AFF2: variants seen among roughly 807,000 people sequenced by gnomAD.
AFF2 encodes the protein ALF transcription elongation factor 2, also known as AF4/FMR2 family member 2.
A neutral mutation model predicts 76.9 loss-of-function variants in AFF2; 14 were observed. The observed-to-expected ratio is 0.18, with a 90% CI of 0.12 to 0.28. AFF2 has a LOEUF of 0.28. Among genes scored for constraint, AFF2 ranks in the 10% least tolerant of loss-of-function variants. The probability of loss-of-function intolerance (pLI) is 1.00; values close to 1 mark genes in which losing one functional copy is unlikely to be tolerated. For synonymous variants in AFF2, 398 were observed against 366.7 expected (o/e 1.09, Z -0.98); for missense variants, 868 against 1,001.1 (o/e 0.87, Z 1.79).
chrX:148,677,533 A>G (rs1160247837), intron 3 of AFF2, among the ~76,000 whole-genome samples: 1 of 112,604 alleles, frequency 8.9e-6, no homozygotes, highest in Non-Finnish European at 1.9e-5. Context: ...CTTAGAAATC[A>G]TAGAAGTGAT....
intron 4 of AFF2, among the ~76,000 whole-genome samples, chrX:148,814,044 G>A (rs1461037464): frequency 2.7e-5 from 3 of 112,151 alleles, no homozygotes; most frequent in Non-Finnish European, 3.8e-5. Flanking sequence ...ACTTGCTTCC[G>A]TCAGCATGCT....
At chrX:148,844,731 T>C (rs1330197530) in intron 7 of AFF2, among the ~76,000 whole-genome samples, 1 of 111,257 alleles carries the variant, frequency 9.0e-6, no homozygotes, top group African/African-American at 3.3e-5. Context: ...AGAAAGTAAG[T>C]GGCATTTCTA....
chrX:148,871,799 A>T (rs1034716191), intron 7 of AFF2, among the ~76,000 whole-genome samples: 6 of 111,529 alleles, frequency 5.4e-5, no homozygotes, highest in Admixed American at 2.8e-4. Context: ...TCTCTTTAAT[A>T]TAATGCTTTG....
intron 4 of AFF2, among the ~76,000 whole-genome samples, chrX:148,816,611 A>T (rs1357524064): frequency 9.0e-6 from 1 of 111,415 alleles, no homozygotes; most frequent in Non-Finnish European, 1.9e-5. Context: ...GGGAGCTTCC[A>T]TGGACCAAGT....
intron 1 of AFF2, among the ~76,000 whole-genome samples, chrX:148,625,627 C>T (rs1195901911): frequency 9.0e-6 from 1 of 111,350 alleles, no homozygotes; most frequent in Non-Finnish European, 1.9e-5. Flanking sequence ...ACCTTTCTTT[C>T]ATTTCTCTAG....
Position 148,955,801 on chromosome X carries a change from A to G in AFF2, c.1756A>G (p.Arg586Gly). ...TCAGGTCCCAGCTGAACCCAAAGAA[A>G]GGCCTCTCCTCAGTCTCATTAGGGA... ...ASQVPAEPKE[R>G]PLLSLIREKA... The change falls in exon 11 of 21, where the codon AGG becomes GGG. Residue 586 changes from arginine (R) to glycine (G), a missense_variant. Arg to Gly is a moderately radical substitution (Grantham distance 125). This residue lies in a region of AFF2 where 532 missense variants were observed against 564.2 expected (regional missense o/e 0.94). Transcript: ENST00000370460. 1.7e-6 allele frequency: 2 copies of G among 1,211,513 alleles called. No individual in the cohort carries two copies. The highest frequency in any genetic ancestry group is 2.2e-6 in the Non-Finnish European group (2 of 895,376).
rs147805951 is a variant in AFF2 at position 148,767,402 on chromosome X, A to G, written c.1042-42474A>G. Among the ~76,000 whole-genome samples, 615 of 111,761 alleles carry G rather than the reference A, an allele frequency of 5.5e-3. 3 individuals are homozygous for G. The highest frequency in any genetic ancestry group is 0.019 in the African/African-American group (599 of 30,806). On this transcript the variant is annotated intron_variant, in intron 3 of 20. Transcript: ENST00000370460. ...CAAGTGGCATCAATGTGACCATGTC[A>G]GGAAGATTTTTGTTTCTAAAACGCA...
intron 1 of AFF2, among the ~76,000 whole-genome samples, chrX:148,642,535 A>C (rs933332984): frequency 1.8e-5 from 2 of 112,184 alleles, no homozygotes; most frequent in Non-Finnish European, 3.8e-5. Context: ...CTAGAGAGGA[A>C]ATACTTCAGG....
intron 7 of AFF2, among the ~76,000 whole-genome samples, chrX:148,843,792 G>A (rs1372464314): frequency 2.7e-5 from 3 of 110,954 alleles, no homozygotes; most frequent in African/African-American, 9.8e-5. Context: ...GGTAGAAGGG[G>A]TGAGGGGTCT....
intron 1 of AFF2, among the ~76,000 whole-genome samples, chrX:148,527,123 G>A (rs2052669584): frequency 8.9e-6 from 1 of 112,281 alleles, no homozygotes; most frequent in Non-Finnish European, 1.9e-5. Flanking sequence ...TTAAGCAAGT[G>A]ACCAAAGTGA....
intron 1 of AFF2, among the ~76,000 whole-genome samples, chrX:148,556,365 C>T (rs186327174): frequency 3.7e-4 from 41 of 111,523 alleles, no homozygotes; most frequent in African/African-American, 1.2e-3. Context: ...TAATTATAGC[C>T]GTGGTTCCGG....
At chrX:148,905,104 G>A (rs1557281300) in intron 9 of AFF2, among the ~76,000 whole-genome samples, 1 of 112,284 alleles carries the variant, frequency 8.9e-6, no homozygotes. Context: ...AGAGTACATA[G>A]ATTTTTAAGT....
chrX:148,979,320 G>T (rs1467943408), intron 18 of AFF2, among the ~76,000 whole-genome samples: 3 of 112,414 alleles, frequency 2.7e-5, no homozygotes, highest in South Asian at 7.4e-4. Context: ...CGACACTGTG[G>T]CACAGTTGGG....
rs1307691741 is a variant in AFF2 at position 148,684,422 on chromosome X, A to G, written c.1041+21654A>G. Reference sequence around the variant, plus strand: ...TTCAAATTCAGCAAGTTCATGCAATATTATATGGGAGCCTCGGTAGATTTT... The same window carrying G: ...TTCAAATTCAGCAAGTTCATGCAATGTTATATGGGAGCCTCGGTAGATTTT... On this transcript the variant is annotated intron_variant, in intron 3 of 20. Coordinates refer to ENST00000370460, the MANE Select transcript of AFF2 (RefSeq NM_002025.4). Among the ~76,000 whole-genome samples the G allele has an allele frequency of 3.6e-5, 4 of 112,188 alleles. No individual in the cohort carries two copies. The Admixed American group carries it at 3.8e-4, about 11-fold the overall frequency.
At chrX:148,855,380 C>T (rs1051500929) in intron 7 of AFF2, among the ~76,000 whole-genome samples, 1 of 111,174 alleles carries the variant, frequency 9.0e-6, no homozygotes, top group African/African-American at 3.3e-5. Flanking sequence ...ATGTTTGACT[C>T]TCCTGAACAT....
intron 1 of AFF2, among the ~76,000 whole-genome samples, chrX:148,609,471 A>G (rs1349803660): frequency 9.0e-6 from 1 of 111,651 alleles, no homozygotes; most frequent in Non-Finnish European, 1.9e-5. Context: ...CTGGGATATT[A>G]TTTGAGCTGT....
intron 7 of AFF2, among the ~76,000 whole-genome samples, chrX:148,855,234 G>A (rs1265407): frequency 0.051 from 5,615 of 110,756 alleles, 97 homozygotes; most frequent in Middle Eastern, 0.069. Context: ...TTTGGTCAGC[G>A]TGGGTACTAA....
chrX:148,555,795 T>C (rs950771021), intron 1 of AFF2, among the ~76,000 whole-genome samples: 5 of 112,613 alleles, frequency 4.4e-5, no homozygotes, highest in Non-Finnish European at 9.4e-5. Context: ...CCTTGGAATA[T>C]TCATTCAGTT....
intron 1 of AFF2, among the ~76,000 whole-genome samples, chrX:148,617,470 T>C (rs1173336777): frequency 5.3e-5 from 6 of 112,163 alleles, no homozygotes; most frequent in African/African-American, 1.6e-4. Context: ...ATTCTGGATA[T>C]TAGCCCTTTG....
Sources: allele counts gnomAD v4.1 joint callset (sites outside exome capture counted in the v4.1 genomes callset), GRCh38; gene constraint gnomAD v4.1.1; regional missense constraint gnomAD v4.1.1; transcripts MANE v1.5; gene names NCBI Gene and HGNC (gene_info 2026-07-23, HGNC 2026-07-21).